Variants in ZNF888 observed in about 807,000 individuals in gnomAD.
ZNF888 encodes CTD-2331H12.6.
A neutral mutation model predicts 7.2 loss-of-function variants in ZNF888; 5 were observed. The ratio of observed to expected loss-of-function variants is 0.70; its 90% confidence interval spans 0.36 to 1.46. The LOEUF is 1.46. ZNF888 is among the 40% of genes most tolerant of loss of function. The probability of loss-of-function intolerance (pLI) is 0.03; values close to 1 mark genes in which losing one functional copy is unlikely to be tolerated. For missense variants in ZNF888, 716 were observed against 858.0 expected, an observed-to-expected ratio of 0.83 and a Z score of 2.07; for synonymous variants, 240 against 284.3, an observed-to-expected ratio of 0.84 and a Z score of 1.57.
chr19:52,915,236 T>G lies in ZNF888; in HGVS notation c.102A>C (p.Arg34Ser). ...CLDPAQRTLY[R>S]DVMLENYRNL... ...TCCTATAATTCTCCAGCATCACGTCTCTGTATAGAGTCCTCTGAGCAGGGT... is the reference window on the plus strand; with the variant it reads ...TCCTATAATTCTCCAGCATCACGTCGCTGTATAGAGTCCTCTGAGCAGGGT... The change falls in exon 4 of 5, where the codon AGA becomes AGC. Residue 34 changes from arginine to serine, a missense_variant. By Grantham distance (110) the Arg-to-Ser change is moderately radical. This residue lies in a region of ZNF888 where 19 missense variants were observed against 54.7 expected (regional missense o/e 0.35). Transcript: ENST00000638862. 1.2e-6 allele frequency: 2 copies of G among 1,610,670 alleles called. No individual in the cohort carries two copies. The highest frequency in any genetic ancestry group is 8.5e-7 in the Non-Finnish European group (1 of 1,179,656).
chr19:52,919,297 G>A lies in ZNF888; in HGVS notation c.-177-360C>T, dbSNP rs1206603912. ...ATTCTCCTGCCTCAGCCTGCCGAGC[G>A]CCTGCGATTGCGGGCGCGCGCCGCC... On this transcript the variant is annotated intron_variant, in intron 1 of 4. Transcript: ENST00000638862. Among the ~76,000 whole-genome samples the A allele has an allele frequency of 5.0e-5, 3 of 59,772 alleles. 1 individual carries two copies. Among genetic ancestry groups the A allele is most frequent in the East Asian group, 7.2e-4 (2 of 2,780 alleles). 39.2% of individuals were successfully genotyped at this position (59,772 alleles called of 152,430 possible). A position where few individuals can be genotyped will look rare whatever the true frequency, so the allele number is the denominator to read the frequency against.
At chr19:52,908,301 T>G in intron 4 of ZNF888, 122 bp from the exon 5 acceptor site, 1 of 952,992 alleles carries the variant, frequency 1.0e-6, no homozygotes, top group Non-Finnish European at 1.6e-6. Context: ...AGCTTCAAAG[T>G]TCAGGAACAC....
At chr19:52,919,956 TGC>T in intron 1 of ZNF888, among the ~76,000 whole-genome samples, 1 of 52,174 alleles carries the variant, frequency 1.9e-5, no homozygotes, top group East Asian at 3.2e-4. Context: ...GGAGCCCCTC[TGC>T]CCGGCCAGCC....
In ZNF888 at chr19:52,905,580, G is replaced by A. The variant is rs28399668; in HGVS notation, c.*585C>T. ...TCCACCCACCTTGGCCTCCCACAGT[G>A]CTAGCATTACAGGTGTGAGCCACCG... is the stretch of plus-strand genomic sequence containing the variant. On this transcript the variant is annotated 3_prime_UTR_variant, in exon 5 of 5. Coordinates refer to ENST00000638862, the MANE Select transcript of ZNF888 (RefSeq NM_001393938.1). 66,456 of 325,312 alleles carry A rather than the reference G, an allele frequency of 0.2. 8,042 individuals are homozygous for A. Among genetic ancestry groups the A allele is most frequent in the Admixed American group, 0.37 (8,372 of 22,934 alleles). The allele number at this position is 325,312 out of a possible 1,614,324, so 20.2% of individuals were successfully genotyped here.
Position 52,906,385 on chromosome 19 carries a change from T to A in ZNF888, c.1937A>T (p.Asp646Val). 4 of 1,613,216 alleles carry A rather than the reference T, an allele frequency of 2.5e-6. No homozygotes were observed. Among genetic ancestry groups the A allele is most frequent in the Non-Finnish European group, 3.4e-6 (4 of 1,179,538 alleles). The change falls in exon 5 of 5, where the codon GAT (aspartate) becomes GTT (valine). Residue 646 changes from aspartate to valine, a missense_variant. Physicochemically the swap from Asp to Val is radical, Grantham distance 152. Transcript: ENST00000638862. ...CRVCDKAFGR[D>V]SYLAQHQRVH... is the part of the protein sequence containing the mutation. ...TCTCTGATGTTGTGCAAGGTATGAA[T>A]CACGCCCAAAAGCCTTGTCGCAAAC...
intron 1 of ZNF888, among the ~76,000 whole-genome samples, chr19:52,922,470 C>T (rs11672498): frequency 0.021 from 3,196 of 152,184 alleles, 50 homozygotes; most frequent in Non-Finnish European, 0.033. Context: ...CTGTTTGCTG[C>T]CCCTCTCCCT....
At chr19:52,922,318 G>T (rs376481746) in intron 1 of ZNF888, among the ~76,000 whole-genome samples, 56 of 151,516 alleles carry the variant, frequency 3.7e-4, no homozygotes, top group Admixed American at 9.9e-4. Flanking sequence ...TACCCCCCTG[G>T]CCCCACTCTC....
intron 3 of ZNF888, among the ~76,000 whole-genome samples, chr19:52,915,682 G>A (rs1313427557): frequency 1.3e-5 from 2 of 151,830 alleles, no homozygotes; most frequent in Non-Finnish European, 1.5e-5. Flanking sequence ...TCACCATGTT[G>A]GCCAGGATGG....
rs1049615399 is a variant in ZNF888 at position 52,923,422 on chromosome 19, T to G, written c.-231A>C. The G allele has an allele frequency of 6.1e-6, 6 of 985,556 alleles. No individual in the cohort carries two copies. The African/African-American group carries it at 1.0e-4, about 17-fold the overall frequency. 61.1% of individuals were successfully genotyped at this position (985,556 alleles called of 1,614,324 possible). A position where few individuals can be genotyped will look rare whatever the true frequency, so the allele number is the denominator to read the frequency against. ...ATCCGCTTCCTGGTCCGGGCGAATC[T>G]ACAAGCACAGGACAGAAGCCAGGCC... On this transcript the variant is annotated 5_prime_UTR_variant, in exon 1 of 5. Transcript: ENST00000638862.
chr19:52,908,002 C>T lies in ZNF888; in HGVS notation c.320G>A (p.Gly107Asp). Residue 107 changes from glycine to aspartate, a missense_variant, in exon 5 of 5, where the codon GGC becomes GAC. By Grantham distance (94) the Gly-to-Asp change is moderately conservative. This residue lies in a region of ZNF888 where 697 missense variants were observed against 803.4 expected (regional missense o/e 0.87). Coordinates refer to ENST00000638862, the MANE Select transcript of ZNF888 (RefSeq NM_001393938.1). ...VFQWQEDETN[G>D]HEAPMTEIKE... ...GATTTCTGTCATGGGTGCTTCATGG[C>T]CATTTGTTTCATCTTCTTGCCACTG... 1 of 1,614,066 alleles carries T rather than the reference C, an allele frequency of 6.2e-7. No homozygotes were observed. The highest frequency in any genetic ancestry group is 8.5e-7 in the Non-Finnish European group (1 of 1,179,994).
chr19:52,913,775 C>T (rs1168511864), intron 4 of ZNF888: 1 of 981,156 alleles, frequency 1.0e-6, no homozygotes, highest in African/African-American at 1.8e-5. Flanking sequence ...TATATTCACA[C>T]TGGAATCATG....
At chr19:52,916,983 A>G (rs926616129) in intron 3 of ZNF888, among the ~76,000 whole-genome samples, 2 of 152,188 alleles carry the variant, frequency 1.3e-5, no homozygotes, top group African/African-American at 4.8e-5. Context: ...ATAAAAAAAA[A>G]GTACTGCTCC....
intron 4 of ZNF888, 108 bp from the exon 5 acceptor site, chr19:52,908,287 C>T: frequency 9.1e-7 from 1 of 1,100,272 alleles, no homozygotes; most frequent in Non-Finnish European, 1.3e-6. Context: ...ACATCTCAAA[C>T]ATGAGCTTCA....
In ZNF888 at chr19:52,922,343, T is replaced by C. The variant is rs546105726; in HGVS notation, c.-178+1026A>G. On this transcript the variant is annotated intron_variant, in intron 1 of 4. Transcript: ENST00000638862. ...GCCCCACTCTCTGGCACCCCAGATT[T>C]CCCAGGTGTCCTCCCTGCTGTGGTT... Among the ~76,000 whole-genome samples the C allele has an allele frequency of 8.1e-3, 1,227 of 152,116 alleles. 13 individuals carry two copies. The highest frequency in any genetic ancestry group is 0.022 in the African/African-American group (915 of 41,490).
intron 4 of ZNF888, among the ~76,000 whole-genome samples, chr19:52,912,491 T>C (rs564745619): frequency 1.4e-5 from 2 of 144,660 alleles, no homozygotes; most frequent in African/African-American, 2.5e-5. Context: ...TTTGGGAGGC[T>C]GAGGTGGGAG....
intron 1 of ZNF888, among the ~76,000 whole-genome samples, chr19:52,922,274 G>C (rs547230107): frequency 0.035 from 3,557 of 101,862 alleles, 40 homozygotes; most frequent in South Asian, 0.042. Context: ...CATCTCTCCT[G>C]AGCTCTCCCT....
rs147357299 is a variant in ZNF888, at chr19:52,905,919, T to C, written c.*246A>G. The stretch of plus-strand genomic sequence containing the variant: ...GCTTTGCTCACAATCATCACACTTG[T>C]GAGGTTTCTCTCCTGTATGAATTCT... On this transcript the variant is annotated 3_prime_UTR_variant, in exon 5 of 5. Coordinates refer to ENST00000638862, the MANE Select transcript of ZNF888 (RefSeq NM_001393938.1). 9.5e-5 allele frequency: 76 copies of C among 800,836 alleles called. No individual in the cohort carries two copies. The African/African-American group carries it at 1.1e-3, about 12-fold the overall frequency. The allele number at this position is 800,836 out of a possible 1,614,324, so 49.6% of individuals were successfully genotyped here. A position where few individuals can be genotyped will look rare whatever the true frequency, so the allele number is the denominator to read the frequency against.
intron 1 of ZNF888, among the ~76,000 whole-genome samples, chr19:52,919,368 G>A (rs2064794643): frequency 1.5e-5 from 1 of 67,440 alleles, no homozygotes; most frequent in Non-Finnish European, 3.5e-5. Flanking sequence ...ACGGGGTTTC[G>A]CTGTGTTGGC....
intron 1 of ZNF888, 24 bp from the exon 2 acceptor site, chr19:52,918,961 TCC>T (rs1374261763): frequency 1.5e-4 from 1 of 6,706 alleles, no homozygotes; most frequent in Admixed American, 1.7e-3. Flanking sequence ...AAAAAAAATC[TCC>T]CTCTCCCTCC....
Sources: allele counts gnomAD v4.1 joint callset (sites outside exome capture counted in the v4.1 genomes callset), GRCh38; gene constraint gnomAD v4.1.1; regional missense constraint gnomAD v4.1.1; transcripts MANE v1.5; gene names NCBI Gene and HGNC (gene_info 2026-07-23, HGNC 2026-07-21).